PLXNA2: variants seen among roughly 807,000 people sequenced by gnomAD.
PLXNA2 encodes plexin-A2.
PLXNA2 carries 91 observed loss-of-function variants against 193.5 expected under a neutral mutation model. That is an observed-to-expected ratio of 0.47 (90% CI 0.40 to 0.56). The LOEUF (loss-of-function observed/expected upper bound fraction) is 0.56. PLXNA2 is among the 20% of genes least tolerant of loss of function. PLXNA2 has a pLI of 0.00. For missense variants in PLXNA2, 1,995 were observed against 2,503.2 expected (o/e 0.80, Z 4.33); for synonymous variants, 997 against 1,027.3 (o/e 0.97, Z 0.56).
intron 3 of PLXNA2, among the ~76,000 whole-genome samples, chr1:208,201,531 T>C (rs1159472156): frequency 6.6e-6 from 1 of 152,184 alleles, no homozygotes; most frequent in Non-Finnish European, 1.5e-5. Flanking sequence ...TCTTCCTCCG[T>C]CTGACCTTGC....
chr1:208,027,294 C>T lies in PLXNA2; in HGVS notation c.5634G>A (p.Arg1878=). The change falls in exon 32 of 32, where the codon CGG becomes CGA. Residue 1878 remains arginine, a synonymous_variant. Coordinates refer to ENST00000367033, the MANE Select transcript of PLXNA2 (RefSeq NM_025179.4). ...LEQDEQARRQ[R]LAYKVEQLIN... ...TGAGCTGCTCCACCTTATAAGCCAG[C>T]CGCTGCCGCCGTGCCTGCTCATCCT... 6.2e-7 allele frequency: 1 copy of T among 1,613,572 alleles called. No homozygotes were observed. The highest frequency in any genetic ancestry group is 8.5e-7 in the Non-Finnish European group (1 of 1,179,980).
chr1:208,065,952 A>G (rs1052996657), intron 12 of PLXNA2, among the ~76,000 whole-genome samples: 1 of 152,130 alleles, frequency 6.6e-6, no homozygotes. Flanking sequence ...GCATTCCACA[A>G]TGAACTCAAT....
intron 4 of PLXNA2, among the ~76,000 whole-genome samples, chr1:208,121,371 C>T (rs1307030252): frequency 2.0e-5 from 3 of 152,120 alleles, no homozygotes; most frequent in African/African-American, 4.8e-5. Flanking sequence ...CAAGAATTCT[C>T]GTGCTTATGA....
intron 2 of PLXNA2, among the ~76,000 whole-genome samples, chr1:208,214,803 T>C: frequency 6.6e-6 from 1 of 152,210 alleles, no homozygotes; most frequent in South Asian, 2.1e-4. Flanking sequence ...GCATTATTAT[T>C]TCCATCTCAC....
rs545714010 is a variant in PLXNA2, at chr1:208,039,888, C to T, written c.4353+104G>A. ...GGCTTTAGCACAGCCAGTCCAGGTT[C>T]CTGCTCCCGAGGGAGGGGGTCCCCA... is the stretch of plus-strand genomic sequence containing the variant. On this transcript the variant is annotated intron_variant, in intron 23 of 31. Coordinates refer to ENST00000367033, the MANE Select transcript of PLXNA2 (RefSeq NM_025179.4). 1,442 of 1,581,186 alleles carry T rather than the reference C, an allele frequency of 9.1e-4. 5 individuals are homozygous for T. Among genetic ancestry groups the T allele is most frequent in the Non-Finnish European group, 9.6e-4 (1,099 of 1,150,236 alleles).
rs777814979 is a variant in PLXNA2, at chr1:208,079,419, C to G, written c.2427G>C (p.Glu809Asp). 6.2e-7 allele frequency: 1 copy of G among 1,609,890 alleles called. No individual in the cohort carries two copies. Among genetic ancestry groups the G allele is most frequent in the South Asian group, 1.1e-5 (1 of 90,292 alleles). The change falls in exon 12 of 32, where the codon GAG becomes GAC. Residue 809 changes from glutamate (E) to aspartate (D), a missense_variant. Coordinates refer to ENST00000367033, the MANE Select transcript of PLXNA2 (RefSeq NM_025179.4). ...CGGCCTTGAGGCAGAGGCCGCAGCTCTCCCGCTGGGCTGCACACTTGTAGA... is the reference window on the plus strand; with the variant it reads ...CGGCCTTGAGGCAGAGGCCGCAGCTGTCCCGCTGGGCTGCACACTTGTAGA... ...VHLYKCAAQR[E>D]SCGLCLKADR...
Position 208,042,153 on chromosome 1 carries a change from C to T in PLXNA2, c.4231G>A (p.Asp1411Asn). ...ATDVLKQLLS[D>N]LIDKNLENKN... ...TTCTCCAGGTTCTTATCGATGAGGT[C>T]AGAGAGCAGCTGCTTGAGGACATCA... Residue 1411 changes from aspartate to asparagine, a missense_variant, in exon 22 of 32, where the codon GAC becomes AAC. This residue lies in a region of PLXNA2 where 1,291 missense variants were observed against 1,673.6 expected (regional missense o/e 0.77). Transcript: ENST00000367033. 6.2e-7 allele frequency: 1 copy of T among 1,614,194 alleles called. No individual in the cohort carries two copies. The highest frequency in any genetic ancestry group is 8.5e-7 in the Non-Finnish European group (1 of 1,180,038).
At chr1:208,225,284 G>A (rs1397344863) in intron 1 of PLXNA2, among the ~76,000 whole-genome samples, 2 of 152,160 alleles carry the variant, frequency 1.3e-5, no homozygotes, top group African/African-American at 4.8e-5. Context: ...ATTTGAGACG[G>A]TGTCTTTTGT....
At chr1:208,162,186 C>G (rs1038625986) in intron 3 of PLXNA2, among the ~76,000 whole-genome samples, 1 of 152,184 alleles carries the variant, frequency 6.6e-6, no homozygotes, top group Non-Finnish European at 1.5e-5. Context: ...CCAAAGGGCT[C>G]AGGACAGCTG....
At chr1:208,154,258 C>T (rs887758221) in intron 3 of PLXNA2, among the ~76,000 whole-genome samples, 3 of 152,158 alleles carry the variant, frequency 2.0e-5, no homozygotes, top group South Asian at 2.1e-4. Flanking sequence ...AGCAGGTGCC[C>T]GGATCTCACC....
intron 4 of PLXNA2, among the ~76,000 whole-genome samples, chr1:208,115,517 T>C (rs1413097164): frequency 6.6e-6 from 1 of 152,172 alleles, no homozygotes; most frequent in Non-Finnish European, 1.5e-5. Context: ...GCAGGCTGGC[T>C]ACAGAGCCCA....
intron 3 of PLXNA2, among the ~76,000 whole-genome samples, chr1:208,202,620 A>G (rs542076757): frequency 9.2e-5 from 14 of 152,200 alleles, no homozygotes; most frequent in Non-Finnish European, 2.1e-4. Context: ...AAATCCACAG[A>G]CAGGCAAGGC....
chr1:208,139,201 G>A (rs191982308), intron 4 of PLXNA2, among the ~76,000 whole-genome samples: 40 of 152,340 alleles, frequency 2.6e-4, no homozygotes, highest in Middle Eastern at 3.4e-3. Flanking sequence ...TATAAGATCT[G>A]AAAGAGACTT....
intron 1 of PLXNA2, among the ~76,000 whole-genome samples, chr1:208,228,249 T>C (rs1359409527): frequency 1.3e-5 from 2 of 152,154 alleles, no homozygotes; most frequent in Non-Finnish European, 2.9e-5. Flanking sequence ...CAAGGATCAC[T>C]CCCAATCCCT....
At chr1:208,212,131 T>C (rs760283443) in intron 2 of PLXNA2, among the ~76,000 whole-genome samples, 2 of 152,160 alleles carry the variant, frequency 1.3e-5, no homozygotes, top group African/African-American at 2.4e-5. Context: ...GTAGAAATCA[T>C]AGAAAGCAGC....
At chr1:208,063,250 G>A (rs1474572283) in intron 12 of PLXNA2, among the ~76,000 whole-genome samples, 1 of 152,214 alleles carries the variant, frequency 6.6e-6, no homozygotes, top group East Asian at 1.9e-4. Context: ...AGCATGTGGG[G>A]ACCGCATTGT....
chr1:208,031,827 T>C, intron 28 of PLXNA2, 68 bp from the exon 29 acceptor site: 1 of 1,375,166 alleles, frequency 7.3e-7, no homozygotes. Flanking sequence ...GCATACCAGA[T>C]GGTGCCTTGG....
At position 208,082,507 on chromosome 1, in the gene PLXNA2, T is replaced by C; in HGVS notation, c.2300A>G (p.Tyr767Cys). 1.2e-6 allele frequency: 2 copies of C among 1,613,448 alleles called. No individual in the cohort carries two copies. Among genetic ancestry groups the C allele is most frequent in the Non-Finnish European group, 1.7e-6 (2 of 1,179,538 alleles). ...SSSVQCQNSS[Y>C]QYDGMDISNL... is the part of the protein sequence containing the mutation. ...GCTGATGTCCATGCCATCATACTGG[T>C]ACTATAGGGAGACGGGCAGAGGCAT... Residue 767 changes from tyrosine to cysteine, a missense_variant and splice_region_variant, in exon 11 of 32, where the codon TAC becomes TGC. Tyr to Cys is a radical substitution (Grantham distance 194). Coordinates refer to ENST00000367033, the MANE Select transcript of PLXNA2 (RefSeq NM_025179.4). The surrounding 1 kb of genome is among the most constrained non-coding windows in gnomAD (Gnocchi z 4.2).
At chr1:208,047,681 A>G (rs1043338486) in intron 17 of PLXNA2, among the ~76,000 whole-genome samples, 6 of 152,238 alleles carry the variant, frequency 3.9e-5, no homozygotes, top group Non-Finnish European at 8.8e-5. Context: ...GCAGGTCCAC[A>G]CATGTTATGC....
Sources: gnomAD v4.1 joint callset for allele counts (sites outside exome capture counted in the v4.1 genomes callset) on GRCh38, gnomAD v4.1.1 for gene constraint, gnomAD v4.1.1 regional missense constraint, Gnocchi (gnomAD v3.1) non-coding constraint, MANE v1.5 for transcripts, NCBI Gene and HGNC (gene_info 2026-07-23, HGNC 2026-07-21) for gene names.